The following IQCH variants were observed in gnomAD, a reference collection of about 807,000 sequenced individuals.
The protein encoded by IQCH is IQ domain-containing protein H.
Under a neutral mutation model 117.0 loss-of-function variants are expected in IQCH, and 98 were observed. The observed-to-expected ratio is 0.84, with a 90% CI of 0.71 to 0.99. The LOEUF (loss-of-function observed/expected upper bound fraction) is 0.99. IQCH is among the 50% of genes least tolerant of loss of function. The pLI, the probability that IQCH is intolerant of heterozygous loss-of-function variation, is 0.00. For missense variants in IQCH, 1,102 were observed against 1,243.8 expected, an observed-to-expected ratio of 0.89 and a Z score of 1.72; for synonymous variants, 412 against 448.2, an observed-to-expected ratio of 0.92 and a Z score of 1.02.
In IQCH at chr15:67,407,696, T is replaced by C. The variant is rs1358513977; in HGVS notation, c.2097+7391T>C. 37 of 152,268 alleles carry C rather than the reference T, an allele frequency of 2.4e-4. No homozygotes were observed. Among genetic ancestry groups the C allele is most frequent in the Non-Finnish European group, 5.3e-4 (36 of 68,044 alleles). The allele number at this position is 152,268 out of a possible 1,614,324, so 9.4% of individuals were successfully genotyped here. ...TACCCTTTGATTTTCTGTCACACGT[T>C]AATTACAGCGTTTTGCCATTAAATA... is the stretch of plus-strand genomic sequence containing the variant. On this transcript the variant is annotated intron_variant, in intron 14 of 20. Coordinates refer to ENST00000335894, the MANE Select transcript of IQCH (RefSeq NM_001031715.3). The surrounding 1 kb of genome is among the most constrained non-coding windows in gnomAD (Gnocchi z 5.3).
intron 10 of IQCH, among the ~76,000 whole-genome samples, chr15:67,378,849 T>G (rs148194676): frequency 1.3e-5 from 2 of 152,264 alleles, no homozygotes; most frequent in African/African-American, 4.8e-5. Flanking sequence ...TAAAAAATAT[T>G]AAAAGGCTCG....
rs1449277874 is a variant in IQCH at position 67,443,253 on chromosome 15, A to T, written c.2505+21676A>T. Among the ~76,000 whole-genome samples the T allele has an allele frequency of 6.6e-6, 1 of 152,154 alleles. No individual in the cohort carries two copies. Among genetic ancestry groups the T allele is most frequent in the Non-Finnish European group, 1.5e-5 (1 of 68,034 alleles). ...GTCATCCACCCGCCTCGGCCTCCCA[A>T]AGTGCTGGGATTACAGGCGTGAGCC... On this transcript the variant is annotated intron_variant, in intron 16 of 20. Transcript: ENST00000335894. This position sits in a 1 kb window ranked among gnomAD's most constrained non-coding sequence, Gnocchi z 5.0.
At position 67,426,147 on chromosome 15, in the gene IQCH, G is replaced by C. The variant is rs918377917; in HGVS notation, c.2505+4570G>C. Reference sequence around the variant, plus strand: ...AAGCCCTGTAAGATCTGGGCTCTTAGTGCTGCCATTGCTACTGGAGTGTCA... The same window carrying C: ...AAGCCCTGTAAGATCTGGGCTCTTACTGCTGCCATTGCTACTGGAGTGTCA... On this transcript the variant is annotated intron_variant, in intron 16 of 20. Coordinates refer to ENST00000335894, the MANE Select transcript of IQCH (RefSeq NM_001031715.3). The surrounding 1 kb of genome is among the most constrained non-coding windows in gnomAD (Gnocchi z 5.1). 2.6e-5 allele frequency among the ~76,000 whole-genome samples: 4 copies of C among 152,158 alleles called. No individual in the cohort carries two copies. The highest frequency in any genetic ancestry group is 7.2e-5 in the African/African-American group (3 of 41,420).
At chr15:67,326,625 CCT>C (rs766544894) in intron 4 of IQCH, among the ~76,000 whole-genome samples, 1 of 152,050 alleles carries the variant, frequency 6.6e-6, no homozygotes, top group Non-Finnish European at 1.5e-5. Context: ...CTCTCCAGCC[CCT>C]GTTGTTTCCT....
intron 4 of IQCH, among the ~76,000 whole-genome samples, chr15:67,330,799 G>A (rs4374116): frequency 0.67 from 102,446 of 151,998 alleles, 35,134 homozygotes; most frequent in Middle Eastern, 0.83. Context: ...CATAACATGG[G>A]GTTGAAGGTA....
rs889513017 is a variant in IQCH at position 67,404,034 on chromosome 15, G to C, written c.2097+3729G>C. ...TAATGAGAAATAGGAAATTGAACTG[G>C]CTCTTGAATGCTTCTAGTAAACATT... On this transcript the variant is annotated intron_variant, in intron 14 of 20. Transcript: ENST00000335894. The surrounding 1 kb of genome is among the most constrained non-coding windows in gnomAD (Gnocchi z 4.6). 6 of 152,172 alleles carry C rather than the reference G, an allele frequency of 3.9e-5. No individual in the cohort carries two copies. Among genetic ancestry groups the C allele is most frequent in the African/African-American group, 1.4e-4 (6 of 41,442 alleles). The allele number at this position is 152,172 out of a possible 1,614,324, so 9.4% of individuals were successfully genotyped here.
At chr15:67,278,495 C>T (rs1567059111) in intron 3 of IQCH, among the ~76,000 whole-genome samples, 1 of 152,238 alleles carries the variant, frequency 6.6e-6, no homozygotes, top group Non-Finnish European at 1.5e-5. Context: ...CAGGCTTCTG[C>T]TCCCTGCAAG....
chr15:67,450,400 A>G (rs545776867), intron 16 of IQCH, among the ~76,000 whole-genome samples: 2 of 152,332 alleles, frequency 1.3e-5, no homozygotes, highest in Admixed American at 1.3e-4. Context: ...ACGACCCATC[A>G]ATACCTAATT....
intron 12 of IQCH, among the ~76,000 whole-genome samples, chr15:67,389,274 T>C (rs1971205227): frequency 6.6e-6 from 1 of 152,188 alleles, no homozygotes; most frequent in Admixed American, 6.5e-5. Context: ...ATTTATAACA[T>C]GTACCATTCC....
Position 67,387,142 on chromosome 15 carries a change from G to A in IQCH, c.1457-1689G>A, listed in dbSNP as rs1172747746. ...ATACAAGACTTAAGATGACTAATTT[G>A]ATGATTCAGCAATTGGATGCAAGTT... On this transcript the variant is annotated intron_variant, in intron 11 of 20. Transcript: ENST00000335894. The surrounding 1 kb of genome is among the most constrained non-coding windows in gnomAD (Gnocchi z 4.8). Among the ~76,000 whole-genome samples, 3 of 152,156 alleles carry A rather than the reference G, an allele frequency of 2.0e-5. No homozygotes were observed. The highest frequency in any genetic ancestry group is 7.2e-5 in the African/African-American group (3 of 41,440).
chr15:67,326,863 A>C (rs1458123463), intron 4 of IQCH, among the ~76,000 whole-genome samples: 2 of 152,202 alleles, frequency 1.3e-5, no homozygotes, highest in African/African-American at 4.8e-5. Context: ...AATGCTTTCT[A>C]TATTTCAGTA....
rs947814762 is a variant in IQCH at position 67,448,325 on chromosome 15, TAACTC to T, written c.2506-16800_2506-16796del. Among the ~76,000 whole-genome samples, 66 of 151,602 alleles carry T rather than the reference TAACTC, an allele frequency of 4.4e-4. 2 individuals are homozygous for T. Among genetic ancestry groups the T allele is most frequent in the Non-Finnish European group, 3.4e-4 (23 of 67,884 alleles). ...TGCCATGTTGGTGTGCTGCACCCAT[TAACTC>T]ATCATTTAGCATTAAGTATATCTCC... is the stretch of plus-strand genomic sequence containing the variant. On this transcript the variant is annotated intron_variant, in intron 16 of 20. Transcript: ENST00000335894.
chr15:67,392,955 A>C (rs117018092), intron 12 of IQCH, among the ~76,000 whole-genome samples: 420 of 152,218 alleles, frequency 2.8e-3, no homozygotes, highest in Middle Eastern at 6.8e-3. Flanking sequence ...TTGTGGTAAA[A>C]TATATATAAC....
intron 1 of IQCH, among the ~76,000 whole-genome samples, chr15:67,258,327 C>A (rs575569322): frequency 1.3e-5 from 2 of 151,390 alleles, no homozygotes; most frequent in African/African-American, 4.9e-5. Context: ...GTCAGAAGTT[C>A]GTACACCAGC....
rs1462253715 is a variant in IQCH, at chr15:67,401,452, C to T, written c.2097+1147C>T. On this transcript the variant is annotated intron_variant, in intron 14 of 20. Transcript: ENST00000335894. This position sits in a 1 kb window ranked among gnomAD's most constrained non-coding sequence, Gnocchi z 4.7. Reference sequence around the variant, plus strand: ...CAATGCAAATTCCCTTAACTGGTTCCTTCCCTACCAGCATACATAGCAGTG... The same window carrying T: ...CAATGCAAATTCCCTTAACTGGTTCTTTCCCTACCAGCATACATAGCAGTG... 6.6e-6 allele frequency among the ~76,000 whole-genome samples: 1 copy of T among 152,166 alleles called. No homozygotes were observed. Among genetic ancestry groups the T allele is most frequent in the Non-Finnish European group, 1.5e-5 (1 of 68,040 alleles).
intron 5 of IQCH, among the ~76,000 whole-genome samples, chr15:67,338,228 TATCTATC>T (rs1968983802): frequency 7.0e-6 from 1 of 142,214 alleles, no homozygotes; most frequent in African/African-American, 2.6e-5. Context: ...TCTATCTATC[TATCTATC>T]TATCTATCTA....
At chr15:67,488,594 C>G (rs575036768) in intron 18 of IQCH, among the ~76,000 whole-genome samples, 34 of 152,232 alleles carry the variant, frequency 2.2e-4, no homozygotes, top group African/African-American at 8.2e-4. Flanking sequence ...TGCTATAGAC[C>G]AGCAATCCCC....
In IQCH at chr15:67,338,235, C is replaced by CTATCTATCTATCTATCTGTT. The variant is rs56991765; in HGVS notation, c.508+1153_508+1154insATCTGTTTATCTATCTATCT. 8.4e-4 allele frequency among the ~76,000 whole-genome samples: 125 copies of CTATCTATCTATCTATCTGTT among 149,634 alleles called. 1 individual carries two copies. The highest frequency in any genetic ancestry group is 1.6e-3 in the Non-Finnish European group (106 of 67,446). On this transcript the variant is annotated intron_variant, in intron 5 of 20. Transcript: ENST00000335894. ...TCTATCTATCTATCTATCTATCTAT[C>CTATCTATCTATCTATCTGTT]TATCTATCTATCTGTCTGCTCTGCT...
At chr15:67,489,519 G>GGGTGAGGTCAGGAGATCAAGATCTT (rs11276406) in intron 18 of IQCH, among the ~76,000 whole-genome samples, 1 of 150,964 alleles carries the variant, frequency 6.6e-6, no homozygotes, top group African/African-American at 2.4e-5. Context: ...CTGGCCTCCT[G>GGGTGAGGTCAGGAGATCAAGATCTT]GGCTCACTGC....
Sources: allele counts gnomAD v4.1 joint callset (sites outside exome capture counted in the v4.1 genomes callset), GRCh38; gene constraint gnomAD v4.1.1; non-coding constraint Gnocchi (gnomAD v3.1); transcripts MANE v1.5; gene names NCBI Gene and HGNC (gene_info 2026-07-23, HGNC 2026-07-21).